Variants in ADGRG7 observed in about 807,000 individuals in gnomAD.
The protein encoded by ADGRG7 is G-protein coupled receptor 128.
In ADGRG7, 82 loss-of-function variants were observed where a neutral mutation model predicts 88.6. That is an observed-to-expected ratio of 0.93 (90% CI 0.77 to 1.11). The LOEUF (loss-of-function observed/expected upper bound fraction) is 1.11. Ranked by LOEUF, ADGRG7 falls within the 50% of genes most tolerant of loss-of-function variation. The pLI, the probability that ADGRG7 is intolerant of heterozygous loss-of-function variation, is 0.00. For synonymous variants in ADGRG7, 381 were observed against 345.2 expected (o/e 1.10, Z -1.15); for missense variants, 945 against 953.4 (o/e 0.99, Z 0.12).
Position 100,649,777 on chromosome 3 carries a change from C to T in ADGRG7, c.1349C>T (p.Ala450Val), listed in dbSNP as rs2094926492. The T allele has an allele frequency of 1.2e-6, 2 of 1,606,564 alleles. No individual in the cohort carries two copies. The highest frequency in any genetic ancestry group is 1.3e-5 in the African/African-American group (1 of 74,884). Reference protein sequence around the residue: ...VGCALSVTGLALTVIFQIVTR... With the variant: ...VGCALSVTGLVLTVIFQIVTR... ...TGTGCACTGTCTGTTACTGGTCTGGCTCTCACAGTTATATTTCAGATTGTC... is the reference window on the plus strand; with the variant it reads ...TGTGCACTGTCTGTTACTGGTCTGGTTCTCACAGTTATATTTCAGATTGTC... The change falls in exon 11 of 16, where the codon GCT becomes GTT. Residue 450 changes from alanine (A) to valine (V), a missense_variant. By Grantham distance (64) the Ala-to-Val change is moderately conservative. Coordinates refer to ENST00000273352, the MANE Select transcript of ADGRG7 (RefSeq NM_032787.3).
intron 10 of ADGRG7, among the ~76,000 whole-genome samples, chr3:100,647,284 T>C (rs1559678895): frequency 1.3e-5 from 2 of 152,168 alleles, no homozygotes; most frequent in Non-Finnish European, 2.9e-5. Context: ...AGGGAGTCCA[T>C]GTGCGAAAGA....
chr3:100,685,747 G>T (rs984000594), intron 15 of ADGRG7, among the ~76,000 whole-genome samples: 5 of 152,110 alleles, frequency 3.3e-5, no homozygotes, highest in African/African-American at 1.2e-4. Context: ...GTGTATATGT[G>T]CCACATTTTC....
chr3:100,632,570 G>C (rs1342285823), intron 3 of ADGRG7, among the ~76,000 whole-genome samples: 1 of 151,926 alleles, frequency 6.6e-6, no homozygotes, highest in Admixed American at 6.6e-5. Context: ...ATGGTGTAGA[G>C]GTGAAGCCAT....
chr3:100,675,859 G>T (rs2094964698), intron 15 of ADGRG7, among the ~76,000 whole-genome samples: 1 of 151,972 alleles, frequency 6.6e-6, no homozygotes, highest in Non-Finnish European at 1.5e-5. Context: ...GTAGAAATTT[G>T]TCCATTTCTT....
At chr3:100,694,643 C>A in intron 15 of ADGRG7, 101 bp from the exon 16 acceptor site, 6 of 1,094,244 alleles carry the variant, frequency 5.5e-6, no homozygotes, top group Non-Finnish European at 7.8e-6. Flanking sequence ...TGGGGAAGTG[C>A]CGTGCAGATG....
chr3:100,694,869 G>T lies in ADGRG7; in HGVS notation c.2262G>T (p.Arg754Ser), dbSNP rs753058620. Residue 754 changes from arginine (R) to serine (S), a missense_variant, in exon 16 of 16, where the codon AGG (arginine) becomes AGT (serine). Physicochemically the swap from Arg to Ser is moderately radical, Grantham distance 110. Transcript: ENST00000273352. Reference protein sequence around the residue: ...RKSLPSVTRPRLRVKMYNFLR... With the variant: ...RKSLPSVTRPSLRVKMYNFLR... Reference sequence around the variant, plus strand: ...CATTGCCTTCAGTGACGCGGCCGAGGCTGCGTGTAAAGATGTATAATTTCC... The same window carrying T: ...CATTGCCTTCAGTGACGCGGCCGAGTCTGCGTGTAAAGATGTATAATTTCC... 2.5e-6 allele frequency: 4 copies of T among 1,614,066 alleles called. No individual in the cohort carries two copies. In the African/African-American group the frequency reaches 5.3e-5, roughly 22 times the overall value.
intron 6 of ADGRG7, among the ~76,000 whole-genome samples, chr3:100,637,818 G>A (rs1347765938): frequency 6.6e-6 from 1 of 152,190 alleles, no homozygotes; most frequent in African/African-American, 2.4e-5. Flanking sequence ...CTCTTTCCAA[G>A]GCCCTGGTAT....
Position 100,645,999 on chromosome 3 carries a change from C to A in ADGRG7, c.1001C>A (p.Ser334Ter), listed in dbSNP as rs1707737757. 9.3e-6 allele frequency: 15 copies of A among 1,613,862 alleles called. No homozygotes were observed. The highest frequency in any genetic ancestry group is 1.1e-5 in the South Asian group (1 of 91,054). The change falls in exon 9 of 16, where the codon TCA becomes TAA. Residue 334 changes from serine (S) to a stop codon, truncating the protein, a stop_gained. Transcript: ENST00000273352. LOFTEE classifies it high-confidence loss of function. ...TATCAAAATGACAAGCTTTTCCAAT[C>A]AAAAACTTTTACAGCTAAATCGGAT... ...VVYQNDKLFQSKTFTAKSDFS... is the reference protein window; with the variant it reads ...VVYQNDKLFQ
chr3:100,637,257 G>A, intron 5 of ADGRG7, 45 bp from the exon 6 acceptor site: 1 of 1,212,606 alleles, frequency 8.2e-7, no homozygotes, highest in Non-Finnish European at 1.2e-6. Context: ...TGATGATAAT[G>A]TATGATATAT....
chr3:100,662,565 C>A (rs1307131970), intron 14 of ADGRG7, among the ~76,000 whole-genome samples: 2 of 152,104 alleles, frequency 1.3e-5, no homozygotes, highest in African/African-American at 2.4e-5. Flanking sequence ...AAGTTTTCTT[C>A]ATATGTGTTT....
Position 100,655,062 on chromosome 3 carries a change from T to C in ADGRG7, c.1607T>C (p.Phe536Ser), listed in dbSNP as rs1559681503. The C allele has an allele frequency of 1.2e-6, 2 of 1,614,194 alleles. No homozygotes were observed. The highest frequency in any genetic ancestry group is 1.7e-6 in the Non-Finnish European group (2 of 1,180,018). ...CTAIAALLHY[F>S]LLVTFTWNAL... ...GCGATTGCCGCCTTACTGCACTATT[T>C]TCTGTTAGTGACATTTACCTGGAAC... Residue 536 changes from phenylalanine to serine, a missense_variant, in exon 12 of 16, where the codon TTT (phenylalanine) becomes TCT (serine). By Grantham distance (155) the Phe-to-Ser change is radical. Coordinates refer to ENST00000273352, the MANE Select transcript of ADGRG7 (RefSeq NM_032787.3).
intron 10 of ADGRG7, 41 bp from the exon 11 acceptor site, chr3:100,649,654 G>T (rs1355350344): frequency 1.8e-6 from 2 of 1,081,560 alleles, no homozygotes; most frequent in Admixed American, 3.5e-5. Flanking sequence ...AACACTTCAG[G>T]GATGACTAAT....
chr3:100,688,423 T>A (rs2094987065), intron 15 of ADGRG7, among the ~76,000 whole-genome samples: 1 of 152,210 alleles, frequency 6.6e-6, no homozygotes, highest in Non-Finnish European at 1.5e-5. Context: ...TGCTGGCTTT[T>A]GAATGTGTTT....
intron 14 of ADGRG7, among the ~76,000 whole-genome samples, chr3:100,661,470 C>T (rs1242836423): frequency 6.6e-6 from 1 of 152,042 alleles, no homozygotes; most frequent in Non-Finnish European, 1.5e-5. Flanking sequence ...AAAGACTGTC[C>T]CAAATAAACA....
At chr3:100,687,931 G>T (rs572660718) in intron 15 of ADGRG7, among the ~76,000 whole-genome samples, 1 of 152,156 alleles carries the variant, frequency 6.6e-6, no homozygotes, top group South Asian at 2.1e-4. Context: ...TCTATTGATT[G>T]GAATAGTTTC....
intron 14 of ADGRG7, among the ~76,000 whole-genome samples, chr3:100,661,745 C>G (rs1466781393): frequency 6.6e-6 from 1 of 152,118 alleles, no homozygotes; most frequent in Non-Finnish European, 1.5e-5. Context: ...CACAAGATTA[C>G]TGTATATGAG....
intron 6 of ADGRG7, among the ~76,000 whole-genome samples, chr3:100,642,606 C>T (rs1307428476): frequency 2.0e-5 from 3 of 152,234 alleles, no homozygotes; most frequent in African/African-American, 7.2e-5. Flanking sequence ...CTATGGGAAA[C>T]AAGAAAAAGA....
intron 1 of ADGRG7, among the ~76,000 whole-genome samples, chr3:100,615,205 G>A (rs554791113): frequency 2.0e-5 from 3 of 152,296 alleles, no homozygotes; most frequent in African/African-American, 7.2e-5. Context: ...TATGTAGAAT[G>A]AGGGGGTTGG....
chr3:100,639,010 CTGTGTGTGTGTGTG>C (rs56088926), intron 6 of ADGRG7, among the ~76,000 whole-genome samples: 8,369 of 147,068 alleles, frequency 0.057, 435 homozygotes, highest in East Asian at 0.24. Context: ...CCCTCTGTTT[CTGTGTGTGTGTGTG>C]TGTGTGTGTG....
Sources: gnomAD v4.1 joint callset for allele counts (sites outside exome capture counted in the v4.1 genomes callset) on GRCh38, gnomAD v4.1.1 for gene constraint, MANE v1.5 for transcripts, NCBI Gene and HGNC (gene_info 2026-07-23, HGNC 2026-07-21) for gene names.